EHBP1: variants seen among roughly 807,000 people sequenced by gnomAD.
The protein encoded by EHBP1 is EH domain-binding protein 1.
EHBP1 carries 55 observed loss-of-function variants against 144.0 expected under a neutral mutation model. The observed-to-expected ratio is 0.38, with a 90% confidence interval of 0.31 to 0.48. The LOEUF (loss-of-function observed/expected upper bound fraction) is 0.48, where lower values mean the gene tolerates loss of function less well. Ranked by LOEUF, EHBP1 falls within the 20% of genes least tolerant of loss-of-function variation. EHBP1 has a pLI of 0.98. For synonymous variants in EHBP1, 469 were observed against 472.7 expected (o/e 0.99, Z 0.10); for missense variants, 1,200 against 1,364.2 (o/e 0.88, Z 1.90).
chr2:62,923,679 T>G (rs1360812127), intron 10 of EHBP1, among the ~76,000 whole-genome samples: 1 of 152,130 alleles, frequency 6.6e-6, no homozygotes, highest in Non-Finnish European at 1.5e-5. Flanking sequence ...GAGGCAATCT[T>G]AGGAGCATAA....
intron 2 of EHBP1, among the ~76,000 whole-genome samples, chr2:62,732,416 C>T (rs1344684360): frequency 6.6e-6 from 1 of 152,076 alleles, no homozygotes; most frequent in Non-Finnish European, 1.5e-5. Context: ...ACCCAAATCT[C>T]GTGTTCAGTT....
At chr2:62,842,048 A>T (rs929437482) in intron 7 of EHBP1, among the ~76,000 whole-genome samples, 1 of 152,100 alleles carries the variant, frequency 6.6e-6, no homozygotes, top group African/African-American at 2.4e-5. Flanking sequence ...AGGAACAGCA[A>T]AGAAAAGGGA....
At chr2:62,760,137 T>G (rs2040650031) in intron 3 of EHBP1, among the ~76,000 whole-genome samples, 1 of 152,158 alleles carries the variant, frequency 6.6e-6, no homozygotes, top group Non-Finnish European at 1.5e-5. Context: ...CTGATTTTGG[T>G]CTGCTTTTGG....
intron 2 of EHBP1, among the ~76,000 whole-genome samples, chr2:62,738,392 T>C (rs867840558): frequency 1.4e-4 from 22 of 152,182 alleles, no homozygotes; most frequent in African/African-American, 4.3e-4. Flanking sequence ...ATTACTAATT[T>C]TGTTTTGTCC....
intron 14 of EHBP1, among the ~76,000 whole-genome samples, chr2:62,964,590 A>G (rs2058156048): frequency 6.6e-6 from 1 of 152,168 alleles, no homozygotes; most frequent in Non-Finnish European, 1.5e-5. Flanking sequence ...TACAGTTCCT[A>G]TTGGTGGCAC....
chr2:62,830,985 G>A (rs2046787313), intron 6 of EHBP1, 34 bp from the exon 7 acceptor site: 1 of 1,597,732 alleles, frequency 6.3e-7, no homozygotes, highest in Non-Finnish European at 8.5e-7. Flanking sequence ...CTGTCATTTA[G>A]TACAATGTGT....
chr2:62,860,196 A>C (rs1243036009), intron 8 of EHBP1, among the ~76,000 whole-genome samples: 1 of 152,322 alleles, frequency 6.6e-6, no homozygotes, highest in East Asian at 1.9e-4. Context: ...TAAATCTTAA[A>C]AAGGTTACAA....
At chr2:62,929,200 A>G (rs368629249) in intron 10 of EHBP1, among the ~76,000 whole-genome samples, 1 of 152,324 alleles carries the variant, frequency 6.6e-6, no homozygotes, top group African/African-American at 2.4e-5. Flanking sequence ...TTTCCAAAAC[A>G]TTGGAGAGGG....
At chr2:62,856,572 G>A (rs1043119855) in intron 7 of EHBP1, among the ~76,000 whole-genome samples, 4 of 152,238 alleles carry the variant, frequency 2.6e-5, no homozygotes, top group Admixed American at 6.5e-5. Flanking sequence ...ATCCAGGTCA[G>A]TAGCGTGAGC....
At chr2:62,679,482 G>T (rs775363923) in intron 1 of EHBP1, among the ~76,000 whole-genome samples, 4 of 152,006 alleles carry the variant, frequency 2.6e-5, no homozygotes, top group Non-Finnish European at 4.4e-5. Flanking sequence ...TTTTCTTTTA[G>T]ATTATTTTTG....
chr2:62,926,065 A>G (rs2055482315), intron 10 of EHBP1, among the ~76,000 whole-genome samples: 1 of 152,196 alleles, frequency 6.6e-6, no homozygotes. Flanking sequence ...ACATAGACCA[A>G]TGAAATAGAA....
At chr2:62,854,604 A>C (rs2048902516) in intron 7 of EHBP1, among the ~76,000 whole-genome samples, 1 of 152,230 alleles carries the variant, frequency 6.6e-6, no homozygotes, top group Non-Finnish European at 1.5e-5. Context: ...CGGGTGGAGC[A>C]GTCAGAATGC....
intron 5 of EHBP1, among the ~76,000 whole-genome samples, chr2:62,790,225 G>A (rs2043083273): frequency 6.6e-6 from 1 of 152,198 alleles, no homozygotes; most frequent in South Asian, 2.1e-4. Flanking sequence ...AGCAAACAGA[G>A]TGGTTTGTCA....
intron 3 of EHBP1, among the ~76,000 whole-genome samples, chr2:62,750,286 A>T (rs974908727): frequency 6.6e-6 from 1 of 152,110 alleles, no homozygotes; most frequent in African/African-American, 2.4e-5. Context: ...CGAAGATCTT[A>T]TGGTTGTAGA....
Position 63,045,534 on chromosome 2 carries a change from TAGA to T in EHBP1, c.*35_*37del. 1 of 1,544,740 alleles carries T rather than the reference TAGA, an allele frequency of 6.5e-7. No individual in the cohort carries two copies. The highest frequency in any genetic ancestry group is 8.9e-7 in the Non-Finnish European group (1 of 1,124,522). ...TCAGAAAGAATCTCTCCCAACATTTTAGAGTCTTGCTTCCCAAACCAGAAAAAG... is the reference window on the plus strand; with the variant it reads ...TCAGAAAGAATCTCTCCCAACATTTTGTCTTGCTTCCCAAACCAGAAAAAG... On this transcript the variant is annotated 3_prime_UTR_variant, in exon 23 of 23. Coordinates refer to ENST00000431489, the MANE Select transcript of EHBP1 (RefSeq NM_001142616.3). The surrounding 1 kb of genome is among the most constrained non-coding windows in gnomAD (Gnocchi z 5.7).
At chr2:62,716,745 A>G (rs951287424) in intron 2 of EHBP1, among the ~76,000 whole-genome samples, 1 of 152,164 alleles carries the variant, frequency 6.6e-6, no homozygotes, top group Non-Finnish European at 1.5e-5. Flanking sequence ...GAGAGGAAGC[A>G]ATCTGGAAGG....
At chr2:62,955,389 A>G in intron 13 of EHBP1, 128 bp from the exon 14 acceptor site, 1 of 856,158 alleles carries the variant, frequency 1.2e-6, no homozygotes, top group Non-Finnish European at 1.7e-6. Flanking sequence ...TCTATAGGTA[A>G]TCTCATGAAG....
chr2:62,683,658 C>CAAAAAA (rs397936534), intron 1 of EHBP1, among the ~76,000 whole-genome samples: 10 of 50,088 alleles, frequency 2.0e-4, no homozygotes, highest in Non-Finnish European at 2.8e-4. Context: ...GACTCCATCT[C>CAAAAAA]AAAAAAAAAA....
intron 10 of EHBP1, among the ~76,000 whole-genome samples, chr2:62,876,275 G>A (rs899259533): frequency 2.0e-5 from 3 of 152,140 alleles, no homozygotes; most frequent in African/African-American, 7.2e-5. Context: ...GCTAACCACA[G>A]ACCTTTCAAC....
Sources: gnomAD v4.1 joint callset for allele counts (sites outside exome capture counted in the v4.1 genomes callset) on GRCh38, gnomAD v4.1.1 for gene constraint, Gnocchi (gnomAD v3.1) non-coding constraint, MANE v1.5 for transcripts, NCBI Gene and HGNC (gene_info 2026-07-23, HGNC 2026-07-21) for gene names.